Variants in LINGO2 observed in about 807,000 individuals in gnomAD.
LINGO2 encodes the protein leucine rich repeat and Ig domain containing 2.
Under a neutral mutation model 30.6 loss-of-function variants are expected in LINGO2, and 14 were observed. That is an observed-to-expected ratio of 0.46 (90% CI 0.30 to 0.72). LINGO2 has a LOEUF of 0.72. LINGO2 is among the 30% of genes least tolerant of loss of function. The pLI is 0.07. For synonymous variants in LINGO2, 317 were observed against 288.5 expected (o/e 1.10, Z -1.00); for missense variants, 729 against 751.7 (o/e 0.97, Z 0.35).
At chr9:28,013,885 T>C (rs1822684521) in intron 4 of LINGO2, among the ~76,000 whole-genome samples, 1 of 152,232 alleles carries the variant, frequency 6.6e-6, no homozygotes, top group South Asian at 2.1e-4. Context: ...AGGATATTTC[T>C]GGCTAAAGAA....
At chr9:28,749,903 C>T in the LINGO2 span, among the ~76,000 whole-genome samples, 1 of 151,988 alleles carries the variant, frequency 6.6e-6, no homozygotes, top group Non-Finnish European at 1.5e-5. Context: ...GTCATAATTG[C>T]TAAAAGGGCT....
intron 1 of LINGO2, among the ~76,000 whole-genome samples, chr9:28,528,091 C>T (rs1821098742): frequency 6.6e-6 from 1 of 152,262 alleles, no homozygotes. Context: ...CAGCAAGGGA[C>T]ACATCTCATA....
At chr9:28,280,263 T>C (rs1052439805) in intron 4 of LINGO2, among the ~76,000 whole-genome samples, 3 of 152,124 alleles carry the variant, frequency 2.0e-5, no homozygotes, top group South Asian at 2.1e-4. Flanking sequence ...TGGATTACAT[T>C]GTAAGTAAGA....
chr9:29,135,563 A>AC, the LINGO2 span, among the ~76,000 whole-genome samples: 1 of 151,810 alleles, frequency 6.6e-6, no homozygotes, highest in Non-Finnish European at 1.5e-5. Flanking sequence ...ATCTCCAAAA[A>AC]AAAAAAAAAA....
chr9:28,219,474 C>T (rs187292698), intron 4 of LINGO2, among the ~76,000 whole-genome samples: 27 of 152,154 alleles, frequency 1.8e-4, no homozygotes, highest in African/African-American at 6.0e-4. Context: ...TATTATTGCT[C>T]TCAAATTGTC....
the LINGO2 span, among the ~76,000 whole-genome samples, chr9:28,748,757 A>G: frequency 1.3e-5 from 2 of 151,984 alleles, no homozygotes; most frequent in Non-Finnish European, 2.9e-5. Context: ...ATGTCTAATT[A>G]TGTTCTTTTT....
the LINGO2 span, among the ~76,000 whole-genome samples, chr9:28,691,619 T>C: frequency 2.6e-5 from 4 of 152,138 alleles, no homozygotes; most frequent in African/African-American, 4.8e-5. Flanking sequence ...CATCTACATA[T>C]TAAAAAATTT....
In LINGO2 at chr9:28,371,576, A is replaced by G. The variant is rs888438952; in HGVS notation, c.-246+1260T>C. Among the ~76,000 whole-genome samples, 19 of 152,188 alleles carry G rather than the reference A, an allele frequency of 1.2e-4. 1 individual carries two copies. The highest frequency in any genetic ancestry group is 6.2e-4 in the South Asian group (3 of 4,824). On this transcript the variant is annotated intron_variant, in intron 3 of 5. Transcript: ENST00000379992. ...GCCTAAGACCATCACCTTGGGGGTT[A>G]GGACTTCAGCAGAGTAATTTTGAGA...
the LINGO2 span, among the ~76,000 whole-genome samples, chr9:29,047,336 A>G: frequency 2.0e-5 from 3 of 152,214 alleles, no homozygotes; most frequent in Admixed American, 1.3e-4. Flanking sequence ...AAAAATGCAG[A>G]TCAAAACCAC....
chr9:28,785,147 C>T, the LINGO2 span, among the ~76,000 whole-genome samples: 2 of 152,128 alleles, frequency 1.3e-5, no homozygotes, highest in East Asian at 1.9e-4. Context: ...ATGGCACATA[C>T]TCTATGGCAG....
At chr9:28,045,234 CTA>C (rs1470029252) in intron 4 of LINGO2, among the ~76,000 whole-genome samples, 2 of 152,018 alleles carry the variant, frequency 1.3e-5, no homozygotes, top group Non-Finnish European at 2.9e-5. Flanking sequence ...GAAAACAAAT[CTA>C]AAACACTGAG....
the LINGO2 span, among the ~76,000 whole-genome samples, chr9:28,780,257 G>A: frequency 2.0e-5 from 3 of 152,054 alleles, no homozygotes; most frequent in Non-Finnish European, 2.9e-5. Flanking sequence ...CCAGAATAGC[G>A]CATAATATCA....
the LINGO2 span, among the ~76,000 whole-genome samples, chr9:29,007,538 T>C: frequency 1.3e-5 from 2 of 152,094 alleles, no homozygotes; most frequent in Non-Finnish European, 1.5e-5. Context: ...CATTTCCAGG[T>C]TATCTGTGCC....
At chr9:28,923,876 A>T in the LINGO2 span, among the ~76,000 whole-genome samples, 1 of 152,164 alleles carries the variant, frequency 6.6e-6, no homozygotes, top group South Asian at 2.1e-4. Flanking sequence ...TAACTGTTAC[A>T]CTTGGCAATA....
intron 4 of LINGO2, among the ~76,000 whole-genome samples, chr9:28,047,967 A>T (rs1824501085): frequency 6.6e-6 from 1 of 150,588 alleles, no homozygotes; most frequent in Admixed American, 6.7e-5. Context: ...AATTTCCACA[A>T]AAAATATGAA....
the LINGO2 span, among the ~76,000 whole-genome samples, chr9:28,976,777 T>G: frequency 6.8e-6 from 1 of 147,286 alleles, no homozygotes; most frequent in Non-Finnish European, 1.5e-5. Context: ...CCTGCATCAT[T>G]AAAAAAAAAA....
the LINGO2 span, among the ~76,000 whole-genome samples, chr9:28,735,792 G>A: frequency 6.6e-6 from 1 of 151,988 alleles, no homozygotes; most frequent in East Asian, 1.9e-4. Flanking sequence ...ATACTTGTCA[G>A]AGAGCTTCTA....
the LINGO2 span, among the ~76,000 whole-genome samples, chr9:28,857,167 AGTCT>A: frequency 5.3e-5 from 8 of 152,152 alleles, no homozygotes; most frequent in South Asian, 1.5e-3. Flanking sequence ...ACCCAGATAA[AGTCT>A]GTTAATTGTT....
chr9:28,373,758 G>A (rs765364582), intron 2 of LINGO2, among the ~76,000 whole-genome samples: 1 of 152,006 alleles, frequency 6.6e-6, no homozygotes, highest in Non-Finnish European at 1.5e-5. Flanking sequence ...AAATTAGTTG[G>A]GCATGGTGGC....
Sources: allele counts gnomAD v4.1 joint callset (sites outside exome capture counted in the v4.1 genomes callset), GRCh38; gene constraint gnomAD v4.1.1; transcripts MANE v1.5; gene names NCBI Gene and HGNC (gene_info 2026-07-23, HGNC 2026-07-21).